PTPRD: variants seen among roughly 807,000 people sequenced by gnomAD.
PTPRD encodes the protein protein tyrosine phosphatase receptor type D.
A neutral mutation model predicts 214.5 loss-of-function variants in PTPRD; 34 were observed. That is an observed-to-expected ratio of 0.16 (90% CI 0.12 to 0.21). PTPRD has a LOEUF of 0.21. Among genes scored for constraint, PTPRD ranks in the 10% least tolerant of loss-of-function variants. PTPRD has a pLI of 1.00. For missense variants in PTPRD, 2,545 were observed against 2,398.7 expected (o/e 1.06, Z -1.27); for synonymous variants, 1,128 against 845.7 (o/e 1.33, Z -5.79).
intron 3 of PTPRD, among the ~76,000 whole-genome samples, chr9:10,183,569 C>T (rs1282996508): frequency 6.6e-6 from 1 of 152,064 alleles, no homozygotes; most frequent in African/African-American, 2.4e-5. Flanking sequence ...AATGCTGTTG[C>T]AGGTGTTTGA....
intron 2 of PTPRD, among the ~76,000 whole-genome samples, chr9:10,486,118 C>G (rs1245353306): frequency 6.6e-6 from 1 of 151,746 alleles, no homozygotes; most frequent in Non-Finnish European, 1.5e-5. Flanking sequence ...AAAATTTTCT[C>G]CCATTCTGTA....
chr9:9,967,091 G>A (rs1020477020), intron 4 of PTPRD, among the ~76,000 whole-genome samples: 3 of 152,128 alleles, frequency 2.0e-5, no homozygotes, highest in African/African-American at 4.8e-5. Context: ...GTAAGTCCCT[G>A]TAGTATAATG....
intron 8 of PTPRD, among the ~76,000 whole-genome samples, chr9:9,553,878 C>A (rs2080907386): frequency 6.6e-6 from 1 of 151,834 alleles, no homozygotes; most frequent in South Asian, 2.1e-4. Context: ...ATTATTGGGC[C>A]CTACTGGAGT....
chr9:9,946,594 A>G (rs925853464), intron 4 of PTPRD, among the ~76,000 whole-genome samples: 1 of 152,204 alleles, frequency 6.6e-6, no homozygotes, highest in African/African-American at 2.4e-5. Context: ...GCAAAGGGAA[A>G]CATATTCTTT....
intron 8 of PTPRD, among the ~76,000 whole-genome samples, chr9:9,545,737 G>A (rs996242561): frequency 2.0e-5 from 3 of 151,616 alleles, no homozygotes; most frequent in East Asian, 1.9e-4. Context: ...CTTGAAGTTC[G>A]CTGATGTCAG....
intron 9 of PTPRD, among the ~76,000 whole-genome samples, chr9:9,235,168 G>A (rs1201020579): frequency 6.6e-6 from 1 of 152,114 alleles, no homozygotes; most frequent in East Asian, 1.9e-4. Flanking sequence ...AAGCAATGGG[G>A]GAAAAGCCCC....
chr9:8,993,501 T>C (rs1382766739), intron 11 of PTPRD, among the ~76,000 whole-genome samples: 2 of 152,132 alleles, frequency 1.3e-5, no homozygotes, highest in South Asian at 4.1e-4. Flanking sequence ...TCTTTGTCTG[T>C]CTATAATGTA....
intron 7 of PTPRD, among the ~76,000 whole-genome samples, chr9:9,603,240 C>T (rs534244162): frequency 6.6e-6 from 1 of 152,180 alleles, no homozygotes; most frequent in Admixed American, 6.5e-5. Flanking sequence ...GTTGTCCATA[C>T]TAGACAGGAA....
intron 2 of PTPRD, among the ~76,000 whole-genome samples, chr9:10,537,548 C>G (rs538364717): frequency 6.6e-6 from 1 of 152,222 alleles, no homozygotes; most frequent in South Asian, 2.1e-4. Context: ...TACTTCAACT[C>G]TCTTTCTTTA....
intron 10 of PTPRD, among the ~76,000 whole-genome samples, chr9:9,085,419 T>C (rs1270380435): frequency 6.6e-6 from 1 of 152,168 alleles, no homozygotes; most frequent in East Asian, 1.9e-4. Flanking sequence ...GAATAGTGCA[T>C]ATGTAAGCTT....
intron 2 of PTPRD, among the ~76,000 whole-genome samples, chr9:10,482,199 A>G (rs138154194): frequency 0.07 from 10,635 of 151,490 alleles, 539 homozygotes; most frequent in African/African-American, 0.14. Flanking sequence ...GTGAAACCCC[A>G]TCTCTACTAA....
chr9:10,041,915 A>G (rs1168017233), intron 3 of PTPRD, among the ~76,000 whole-genome samples: 2 of 152,046 alleles, frequency 1.3e-5, no homozygotes, highest in African/African-American at 4.8e-5. Flanking sequence ...GCAAAATAAC[A>G]TCCTCCTTAG....
intron 2 of PTPRD, among the ~76,000 whole-genome samples, chr9:10,560,013 G>A (rs565821765): frequency 1.3e-5 from 2 of 152,244 alleles, no homozygotes; most frequent in South Asian, 2.1e-4. Context: ...ATTCTTCAGG[G>A]ATCTAGAACT....
intron 7 of PTPRD, among the ~76,000 whole-genome samples, chr9:9,678,818 C>T (rs948945671): frequency 2.0e-5 from 3 of 151,830 alleles, no homozygotes; most frequent in Admixed American, 2.0e-4. Flanking sequence ...CTCTCACATT[C>T]CTGTCATAAA....
chr9:8,738,773 A>AAAACAG (rs1267892601), intron 11 of PTPRD, among the ~76,000 whole-genome samples: 1 of 152,058 alleles, frequency 6.6e-6, no homozygotes, highest in Non-Finnish European at 1.5e-5. Flanking sequence ...AAGCATTAAA[A>AAAACAG]AAACAAAAAC....
intron 3 of PTPRD, among the ~76,000 whole-genome samples, chr9:10,157,768 G>A (rs1158083626): frequency 6.6e-6 from 1 of 151,828 alleles, no homozygotes; most frequent in Non-Finnish European, 1.5e-5. Context: ...TCTCTTTCAG[G>A]GACAAAAATG....
rs7018597 is a variant in PTPRD, at chr9:8,975,387, G to A, written c.-104+43310C>T. 7.3e-3 allele frequency among the ~76,000 whole-genome samples: 1,110 copies of A among 152,140 alleles called. 12 individuals are homozygous for A. The highest frequency in any genetic ancestry group is 0.026 in the African/African-American group (1,082 of 41,522). On this transcript the variant is annotated intron_variant, in intron 11 of 45. Coordinates refer to ENST00000381196, the MANE Select transcript of PTPRD (RefSeq NM_002839.4). ...CCTAGGAAGATTAGGTAACTTGTGT[G>A]AAGCTGGTAATATATTATTCCATTG...
intron 14 of PTPRD, among the ~76,000 whole-genome samples, chr9:8,609,090 A>C (rs73423245): frequency 5.7e-4 from 87 of 152,340 alleles, no homozygotes; most frequent in African/African-American, 2.0e-3. Context: ...ATCTTGTCTC[A>C]TCTTAAAAGT....
chr9:10,346,513 G>C (rs1397874700), intron 2 of PTPRD, among the ~76,000 whole-genome samples: 1 of 152,166 alleles, frequency 6.6e-6, no homozygotes, highest in Non-Finnish European at 1.5e-5. Flanking sequence ...ATGTGCTATA[G>C]TTTCATAAGA....
Sources: gnomAD v4.1 joint callset for allele counts (sites outside exome capture counted in the v4.1 genomes callset) on GRCh38, gnomAD v4.1.1 for gene constraint, MANE v1.5 for transcripts, NCBI Gene and HGNC (gene_info 2026-07-23, HGNC 2026-07-21) for gene names.